Variants in TTC28 observed in about 807,000 individuals in gnomAD.
TTC28 encodes tetratricopeptide repeat protein 28.
A neutral mutation model predicts 198.0 loss-of-function variants in TTC28; 61 were observed. The ratio of observed to expected loss-of-function variants is 0.31; its 90% confidence interval spans 0.25 to 0.38. The LOEUF (loss-of-function observed/expected upper bound fraction) is 0.38. Among genes scored for constraint, TTC28 ranks in the 10% least tolerant of loss-of-function variants. The pLI is 1.00. For missense variants in TTC28, 2,678 were observed against 3,164.0 expected, an observed-to-expected ratio of 0.85 and a Z score of 3.69; for synonymous variants, 1,171 against 1,297.8, an observed-to-expected ratio of 0.90 and a Z score of 2.10.
chr22:27,995,068 C>T (rs1937528319), intron 17 of TTC28, among the ~76,000 whole-genome samples: 3 of 152,192 alleles, frequency 2.0e-5, no homozygotes, highest in African/African-American at 7.2e-5. Context: ...ATATGTGTGA[C>T]TCTATCCTCA....
chr22:28,478,272 C>T (rs1210225608), intron 2 of TTC28, among the ~76,000 whole-genome samples: 2 of 152,122 alleles, frequency 1.3e-5, no homozygotes, highest in African/African-American at 4.8e-5. Flanking sequence ...CTTTGGAAGG[C>T]CGAGGCAAGC....
In TTC28 at chr22:28,108,029, A is replaced by C; in HGVS notation, c.1816T>G (p.Ser606Ala). ...GCAGCCTGGACATACTCTCCCCGAGAGCAGTGGAAATTGCCCAGGTTGCTG... is the reference window on the plus strand; with the variant it reads ...GCAGCCTGGACATACTCTCCCCGAGCGCAGTGGAAATTGCCCAGGTTGCTG... ...ALSNLGNFHCSRGEYVQAAPY... is the reference protein window; with the variant it reads ...ALSNLGNFHCARGEYVQAAPY... Residue 606 changes from serine to alanine, a missense_variant, in exon 7 of 23, where the codon TCT becomes GCT. Ser to Ala is a moderately conservative substitution (Grantham distance 99). This residue lies in a region of TTC28 where 775 missense variants were observed against 845.9 expected (regional missense o/e 0.92). Coordinates refer to ENST00000397906, the MANE Select transcript of TTC28 (RefSeq NM_001145418.2). The C allele has an allele frequency of 6.4e-7, 1 of 1,551,434 alleles. No individual in the cohort carries two copies. Among genetic ancestry groups the C allele is most frequent in the Non-Finnish European group, 8.7e-7 (1 of 1,146,954 alleles).
chr22:28,374,646 G>A (rs1327382422), intron 2 of TTC28, among the ~76,000 whole-genome samples: 1 of 152,120 alleles, frequency 6.6e-6, no homozygotes, highest in Non-Finnish European at 1.5e-5. Context: ...CAAAGATTCA[G>A]ACATCAAAGT....
chr22:28,422,144 T>C lies in TTC28; in HGVS notation c.382-115501A>G, dbSNP rs1275712943. ...TGCTAAATCAGCAGAGCACAAAATG[T>C]TATACTCAACACAATAAAAGCAACA... is the stretch of plus-strand genomic sequence containing the variant. On this transcript the variant is annotated intron_variant, in intron 2 of 22. Transcript: ENST00000397906. 2.6e-5 allele frequency among the ~76,000 whole-genome samples: 4 copies of C among 152,266 alleles called. No individual in the cohort carries two copies. The East Asian group carries it at 7.7e-4, about 29-fold the overall frequency.
intron 2 of TTC28, among the ~76,000 whole-genome samples, chr22:28,492,899 A>G (rs556529751): frequency 1.2e-3 from 177 of 152,134 alleles, no homozygotes; most frequent in Non-Finnish European, 2.1e-3. Context: ...GTCATTCCAA[A>G]AAGTAAGACA....
chr22:28,293,472 A>T (rs1431677224), intron 5 of TTC28, among the ~76,000 whole-genome samples: 1 of 152,070 alleles, frequency 6.6e-6, no homozygotes, highest in Non-Finnish European at 1.5e-5. Context: ...GAGTGGGTTG[A>T]GGGAGAGGAA....
chr22:28,483,804 G>C (rs1245390123), intron 2 of TTC28, among the ~76,000 whole-genome samples: 1 of 151,946 alleles, frequency 6.6e-6, no homozygotes, highest in Non-Finnish European at 1.5e-5. Context: ...ACCCCACATG[G>C]GTGGCAAATA....
intron 1 of TTC28, among the ~76,000 whole-genome samples, chr22:28,669,609 A>G (rs965874134): frequency 6.6e-6 from 1 of 152,192 alleles, no homozygotes; most frequent in Non-Finnish European, 1.5e-5. Flanking sequence ...CTGTCCTACA[A>G]TTTGGCAAAA....
In TTC28 at chr22:28,263,065, A is replaced by C. The variant is rs75960839; in HGVS notation, c.933+33133T>G. On this transcript the variant is annotated intron_variant, in intron 5 of 22. Coordinates refer to ENST00000397906, the MANE Select transcript of TTC28 (RefSeq NM_001145418.2). ...TCTAGAATCAGACTTGAAAAGTCCA[A>C]AGTGGTTTTTAAGAAAGCCCTAAAA... 9.3e-3 allele frequency among the ~76,000 whole-genome samples: 1,416 copies of C among 152,270 alleles called. 34 individuals are homozygous for C. The highest frequency in any genetic ancestry group is 0.085 in the East Asian group (439 of 5,174).
intron 13 of TTC28, among the ~76,000 whole-genome samples, chr22:28,027,908 GCTGCA>G (rs1202274344): frequency 5.3e-5 from 8 of 152,240 alleles, no homozygotes; most frequent in African/African-American, 9.6e-5. Context: ...AAGACATGAG[GCTGCA>G]CTGAAAGTGC....
At chr22:28,089,858 G>A (rs370100813) in intron 12 of TTC28, among the ~76,000 whole-genome samples, 9 of 151,562 alleles carry the variant, frequency 5.9e-5, no homozygotes, top group South Asian at 2.1e-4. Context: ...GCAAAGTATC[G>A]CAAGGACAAA....
chr22:27,991,718 C>G (rs1337869021), intron 19 of TTC28, among the ~76,000 whole-genome samples: 9 of 152,248 alleles, frequency 5.9e-5, no homozygotes, highest in Non-Finnish European at 1.0e-4. Context: ...GCTCCCACAG[C>G]TGTCCCCCCA....
intron 2 of TTC28, among the ~76,000 whole-genome samples, chr22:28,372,113 AAG>A (rs1569288929): frequency 6.6e-6 from 1 of 152,004 alleles, no homozygotes; most frequent in African/African-American, 2.4e-5. Context: ...CGCCTTAAAA[AAG>A]AGAGTCCAGC....
intron 2 of TTC28, among the ~76,000 whole-genome samples, chr22:28,591,036 C>CATATATAT (rs1781161613): frequency 3.4e-5 from 1 of 29,306 alleles, no homozygotes; most frequent in African/African-American, 1.4e-4. Flanking sequence ...CACACACACA[C>CATATATAT]ACACATATAT....
intron 2 of TTC28, among the ~76,000 whole-genome samples, chr22:28,407,954 G>A (rs1314796459): frequency 6.6e-6 from 1 of 152,174 alleles, no homozygotes; most frequent in Non-Finnish European, 1.5e-5. Context: ...CTCTTAGAAT[G>A]ACAATATTCT....
chr22:28,450,186 C>T (rs2047759453), intron 2 of TTC28, among the ~76,000 whole-genome samples: 1 of 151,740 alleles, frequency 6.6e-6, no homozygotes, highest in Non-Finnish European at 1.5e-5. Flanking sequence ...ATATATAAAG[C>T]CTTAGGTTAA....
At chr22:28,115,940 T>C (rs1027842911) in intron 6 of TTC28, among the ~76,000 whole-genome samples, 4 of 152,210 alleles carry the variant, frequency 2.6e-5, no homozygotes, top group African/African-American at 4.8e-5. Flanking sequence ...CTACACTCCA[T>C]TGGACGCTAT....
chr22:28,331,924 T>C (rs1353636178), intron 2 of TTC28, among the ~76,000 whole-genome samples: 1 of 152,116 alleles, frequency 6.6e-6, no homozygotes, highest in African/African-American at 2.4e-5. Flanking sequence ...GGATTTATCC[T>C]GTCCAGAGGA....
In TTC28 at chr22:28,297,445, T is replaced by A. The variant is rs2145783632; in HGVS notation, c.802+135A>T. 3.7e-6 allele frequency: 4 copies of A among 1,082,384 alleles called. No homozygotes were observed. In the East Asian group the frequency reaches 1.1e-4, roughly 29 times the overall value. 67.0% of individuals were successfully genotyped at this position (1,082,384 alleles called of 1,614,324 possible). A position where few individuals can be genotyped will look rare whatever the true frequency, so the allele number is the denominator to read the frequency against. On this transcript the variant is annotated intron_variant, in intron 4 of 22. Transcript: ENST00000397906. ...GTCTCAAATTCCTGGCCTTAAGCAA[T>A]CCTCCCAAAGCACTGGGATTACAGG... is the stretch of plus-strand genomic sequence containing the variant.
Sources: gnomAD v4.1 joint callset for allele counts (sites outside exome capture counted in the v4.1 genomes callset) on GRCh38, gnomAD v4.1.1 for gene constraint, gnomAD v4.1.1 regional missense constraint, MANE v1.5 for transcripts, NCBI Gene and HGNC (gene_info 2026-07-23, HGNC 2026-07-21) for gene names.